The following EDARADD variants were observed in gnomAD, a reference collection of about 807,000 sequenced individuals.
EDARADD encodes ectodysplasin-A receptor-associated adapter protein.
A neutral mutation model predicts 25.6 loss-of-function variants in EDARADD; 20 were observed. That is an observed-to-expected ratio of 0.78 (90% CI 0.55 to 1.14). The LOEUF is 1.14. EDARADD is among the 50% of genes most tolerant of loss of function. EDARADD has a pLI of 0.00. For missense variants in EDARADD, 225 were observed against 270.1 expected (o/e 0.83, Z 1.17); for synonymous variants, 86 against 94.4 (o/e 0.91, Z 0.52).
At chr1:236,393,391 C>CTTTTTTGTTTTTTTTTTT (rs1667453654), upstream of EDARADD, among the ~76,000 whole-genome samples, 1 of 87,212 alleles carries the variant, frequency 1.1e-5, no homozygotes, top group African/African-American at 5.2e-5. Context: ...TTCTTTCTTT[C>CTTTTTTGTTTTTTTTTTT]TTTTTTTTTT....
chr1:236,395,664 A>T lies in EDARADD; in HGVS notation c.61+1159A>T. ...CCGGACGACCCTCTGCGCGCAGGTA[A>T]AGGGACACAGCGCCGCGCCCGCTCC... On this transcript the variant is annotated intron_variant, in intron 1 of 5. Coordinates refer to ENST00000334232, the MANE Select transcript of EDARADD (RefSeq NM_145861.4). The surrounding 1 kb of genome is among the most constrained non-coding windows in gnomAD (Gnocchi z 6.9). 1 of 1,573,194 alleles carries T rather than the reference A, an allele frequency of 6.4e-7. No homozygotes were observed. The highest frequency in any genetic ancestry group is 8.6e-7 in the Non-Finnish European group (1 of 1,162,610).
chr1:236,407,826 G>A (rs1219595063), intron 1 of EDARADD, among the ~76,000 whole-genome samples: 1 of 152,140 alleles, frequency 6.6e-6, no homozygotes, highest in Non-Finnish European at 1.5e-5. Flanking sequence ...CCTGACTGAG[G>A]TCTGTGCCTT....
In EDARADD at chr1:236,484,469, A is replaced by G; in HGVS notation, c.*1820A>G. Reference sequence around the variant, plus strand: ...ACTTCAGAAACCCCCCAGCCAAGTAAGCTGTGGGCAGGCAAGCCCTTCAGT... The same window carrying G: ...ACTTCAGAAACCCCCCAGCCAAGTAGGCTGTGGGCAGGCAAGCCCTTCAGT... On this transcript the variant is annotated 3_prime_UTR_variant, in exon 6 of 6. Transcript: ENST00000334232. The surrounding 1 kb of genome is among the most constrained non-coding windows in gnomAD (Gnocchi z 4.1). 1 of 1,607,430 alleles carries G rather than the reference A, an allele frequency of 6.2e-7. No individual in the cohort carries two copies. The highest frequency in any genetic ancestry group is 8.5e-7 in the Non-Finnish European group (1 of 1,176,936).
At chr1:236,447,156 C>T (rs77426141) in intron 4 of EDARADD, among the ~76,000 whole-genome samples, 16 of 20,768 alleles carry the variant, frequency 7.7e-4, no homozygotes, top group African/African-American at 1.2e-3. Flanking sequence ...CTTCCTTCCT[C>T]CCTCCCTCCC....
chr1:236,478,722 G>C (rs1195146027), intron 5 of EDARADD, among the ~76,000 whole-genome samples: 1 of 152,142 alleles, frequency 6.6e-6, no homozygotes, highest in African/African-American at 2.4e-5. Context: ...GAGTAGCTGG[G>C]ACTGCAGGCG....
chr1:236,451,133 C>G (rs898438149), intron 4 of EDARADD, among the ~76,000 whole-genome samples: 1 of 152,132 alleles, frequency 6.6e-6, no homozygotes, highest in Non-Finnish European at 1.5e-5. Flanking sequence ...CTCTGCTACT[C>G]AATACTGTAT....
At chr1:236,468,888 G>C (rs1287495513) in intron 5 of EDARADD, among the ~76,000 whole-genome samples, 1 of 152,250 alleles carries the variant, frequency 6.6e-6, no homozygotes, top group East Asian at 1.9e-4. Context: ...AGTTCTAAGA[G>C]CCATAGCATT....
chr1:236,392,086 C>T (rs1667432673), upstream of EDARADD, among the ~76,000 whole-genome samples: 1 of 152,160 alleles, frequency 6.6e-6, no homozygotes, highest in Admixed American at 6.5e-5. Flanking sequence ...TTTGGATTTC[C>T]CCAGGGCTTG....
rs754143479 is a variant in EDARADD, at chr1:236,409,294, C to T, written c.120+20C>T. On this transcript the variant is annotated intron_variant, in intron 2 of 5. Transcript: ENST00000334232. ...AATATGGTAGGTGACAAATTTTACA[C>T]TAATGGTGATAATTATTGTTTTGCT... 4 of 1,580,954 alleles carry T rather than the reference C, an allele frequency of 2.5e-6. No individual in the cohort carries two copies. In the Admixed American group the frequency reaches 6.7e-5, roughly 26 times the overall value.
intron 4 of EDARADD, among the ~76,000 whole-genome samples, chr1:236,454,860 T>A (rs1351070113): frequency 6.6e-6 from 1 of 152,122 alleles, no homozygotes; most frequent in African/African-American, 2.4e-5. Flanking sequence ...GGCAGAATGG[T>A]ACAGATAAAA....
intron 4 of EDARADD, among the ~76,000 whole-genome samples, chr1:236,458,641 C>CT (rs5781887): frequency 0.17 from 18,756 of 113,552 alleles, 2,088 homozygotes; most frequent in Non-Finnish European, 0.23. Flanking sequence ...TTTTCTTTTT[C>CT]TTTTTTTTTT....
chr1:236,451,887 C>T (rs905176445), intron 4 of EDARADD, among the ~76,000 whole-genome samples: 1 of 152,078 alleles, frequency 6.6e-6, no homozygotes, highest in African/African-American at 2.4e-5. Context: ...TTTTACACCT[C>T]CCCCCAGCAG....
At position 236,395,618 on chromosome 1, in the gene EDARADD, T is replaced by C; in HGVS notation, c.61+1113T>C. The stretch of plus-strand genomic sequence containing the variant: ...CCCCGCTCGGACGCTCGTTTGCCCC[T>C]AACCCGCCGCCATGGCTTCACCGGA... On this transcript the variant is annotated intron_variant, in intron 1 of 5. Coordinates refer to ENST00000334232, the MANE Select transcript of EDARADD (RefSeq NM_145861.4). This position sits in a 1 kb window ranked among gnomAD's most constrained non-coding sequence, Gnocchi z 6.9. The C allele has an allele frequency of 6.4e-7, 1 of 1,565,298 alleles. No homozygotes were observed. Among genetic ancestry groups the C allele is most frequent in the Admixed American group, 1.8e-5 (1 of 54,372 alleles).
At chr1:236,441,382 TATATATGAG>T (rs1455010260) in intron 4 of EDARADD, among the ~76,000 whole-genome samples, 18 of 144,774 alleles carry the variant, frequency 1.2e-4, no homozygotes, top group African/African-American at 2.5e-4. Flanking sequence ...ATATGTATTA[TATATATGAG>T]ATATATGAGA....
At chr1:236,388,385 CA>C (rs1404426898) in intron 3 of EDARADD, among the ~76,000 whole-genome samples, 1 of 152,088 alleles carries the variant, frequency 6.6e-6, no homozygotes, top group Non-Finnish European at 1.5e-5. Context: ...TTTACTCTCC[CA>C]TATGAATTTT....
chr1:236,438,729 G>A (rs1252545629), intron 4 of EDARADD, among the ~76,000 whole-genome samples: 1 of 152,122 alleles, frequency 6.6e-6, no homozygotes. Context: ...TGAGCAAAAG[G>A]TGCACAAATT....
chr1:236,464,679 C>T (rs559388723), intron 4 of EDARADD, among the ~76,000 whole-genome samples: 85 of 151,908 alleles, frequency 5.6e-4, no homozygotes, highest in African/African-American at 2.0e-3. Flanking sequence ...GCGATTGGCC[C>T]GCCTCGGCCT....
intron 3 of EDARADD, among the ~76,000 whole-genome samples, chr1:236,374,424 A>C (rs1471421282): frequency 1.3e-5 from 2 of 151,968 alleles, no homozygotes; most frequent in Non-Finnish European, 2.9e-5. Context: ...ATGCATCACC[A>C]TGCCTGGCTA....
intron 4 of EDARADD, among the ~76,000 whole-genome samples, chr1:236,434,280 C>T (rs1431732080): frequency 6.6e-6 from 1 of 152,052 alleles, no homozygotes; most frequent in Non-Finnish European, 1.5e-5. Context: ...CTCTGTCTCC[C>T]AGGCTGGAGT....
Sources: allele counts gnomAD v4.1 joint callset (sites outside exome capture counted in the v4.1 genomes callset), GRCh38; gene constraint gnomAD v4.1.1; non-coding constraint Gnocchi (gnomAD v3.1); transcripts MANE v1.5; gene names NCBI Gene and HGNC (gene_info 2026-07-23, HGNC 2026-07-21).